PDE7B: variants seen among roughly 807,000 people sequenced by gnomAD.
PDE7B encodes the protein phosphodiesterase 7B.
PDE7B carries 29 observed loss-of-function variants against 56.2 expected under a neutral mutation model. That is an observed-to-expected ratio of 0.52 (90% CI 0.38 to 0.70). The LOEUF is 0.70. Among genes scored for constraint, PDE7B ranks in the 30% least tolerant of loss-of-function variants. PDE7B has a pLI of 0.00. For missense variants in PDE7B, 490 were observed against 565.0 expected (o/e 0.87, Z 1.35); for synonymous variants, 197 against 196.9 (o/e 1.00, Z 0.00).
rs149460147 is a variant in PDE7B, at chr6:135,975,789, C to T, written c.82+28265C>T. Among the ~76,000 whole-genome samples, 571 of 126,450 alleles carry T rather than the reference C, an allele frequency of 4.5e-3. 2 individuals are homozygous for T. Among genetic ancestry groups the T allele is most frequent in the African/African-American group, 0.018 (547 of 31,116 alleles). 83.0% of individuals were successfully genotyped at this position (126,450 alleles called of 152,430 possible). ...AAAAATAGAAGTGATATACTCACTC[C>T]CCCAATGGGGATACCTTAGGTGCCA... On this transcript the variant is annotated intron_variant, in intron 2 of 12. Transcript: ENST00000308191.
intron 2 of PDE7B, among the ~76,000 whole-genome samples, chr6:136,048,350 T>C (rs781487684): frequency 1.5e-4 from 23 of 151,918 alleles, no homozygotes; most frequent in Non-Finnish European, 3.1e-4. Context: ...ATGGTGAAAC[T>C]CTGTCTCTAC....
intron 2 of PDE7B, among the ~76,000 whole-genome samples, chr6:136,094,461 C>G (rs1777441410): frequency 6.6e-6 from 1 of 152,132 alleles, no homozygotes; most frequent in South Asian, 2.1e-4. Flanking sequence ...CTGAAATGCT[C>G]CTCCCAGATA....
chr6:136,069,151 T>C (rs556834642), intron 2 of PDE7B, among the ~76,000 whole-genome samples: 38 of 152,252 alleles, frequency 2.5e-4, no homozygotes, highest in African/African-American at 8.4e-4. Flanking sequence ...ATTCAGTTGG[T>C]TGGGGGGCTT....
chr6:136,096,772 C>T (rs1583878724), intron 2 of PDE7B, among the ~76,000 whole-genome samples: 1 of 152,068 alleles, frequency 6.6e-6, no homozygotes, highest in Non-Finnish European at 1.5e-5. Flanking sequence ...TGAAATTTTA[C>T]TTATCATTCA....
chr6:136,080,317 C>A (rs1223147106), intron 2 of PDE7B, among the ~76,000 whole-genome samples: 3 of 152,172 alleles, frequency 2.0e-5, no homozygotes, highest in Non-Finnish European at 4.4e-5. Context: ...AGCTTTAAAT[C>A]CCTGGAGGCT....
chr6:135,922,516 T>C (rs1774103298), intron 1 of PDE7B, among the ~76,000 whole-genome samples: 1 of 152,204 alleles, frequency 6.6e-6, no homozygotes, highest in South Asian at 2.1e-4. Context: ...TGCCCCACTA[T>C]ACAGATGATC....
chr6:135,860,082 C>T (rs866520053), intron 1 of PDE7B, among the ~76,000 whole-genome samples: 3 of 151,950 alleles, frequency 2.0e-5, no homozygotes, highest in African/African-American at 7.2e-5. Context: ...CCTTTAGGTT[C>T]CAAAATTTCT....
At chr6:136,026,445 T>C (rs1776151752) in intron 2 of PDE7B, among the ~76,000 whole-genome samples, 1 of 152,212 alleles carries the variant, frequency 6.6e-6, no homozygotes, top group Admixed American at 6.5e-5. Context: ...AATCCTGCCA[T>C]GAAGAACAGC....
intron 1 of PDE7B, among the ~76,000 whole-genome samples, chr6:135,920,915 T>A (rs957662240): frequency 1.4e-4 from 22 of 152,178 alleles, no homozygotes; most frequent in African/African-American, 4.6e-4. Flanking sequence ...CAACCGAACT[T>A]TATGTTCTGA....
Position 135,927,945 on chromosome 6 carries a change from AC to A in PDE7B, c.22-19517del, listed in dbSNP as rs558842363. Among the ~76,000 whole-genome samples, 487 of 152,242 alleles carry A rather than the reference AC, an allele frequency of 3.2e-3. 2 individuals carry two copies. The highest frequency in any genetic ancestry group is 4.5e-3 in the Non-Finnish European group (304 of 67,994). ...AAGGAACTTAAACAACAAACAAGAA[AC>A]CAATAATCCCATTAAAAATTGGGCA... On this transcript the variant is annotated intron_variant, in intron 1 of 12. Transcript: ENST00000308191.
chr6:136,116,010 G>C (rs1273116831), intron 3 of PDE7B, among the ~76,000 whole-genome samples: 1 of 152,198 alleles, frequency 6.6e-6, no homozygotes, highest in East Asian at 1.9e-4. Flanking sequence ...CCCTCAAAGA[G>C]CAAACAATCT....
At chr6:135,939,775 A>G (rs927810239) in intron 1 of PDE7B, among the ~76,000 whole-genome samples, 17 of 152,048 alleles carry the variant, frequency 1.1e-4, no homozygotes, top group South Asian at 2.1e-4. Context: ...GGCTGGGGGG[A>G]TTCTTTTGGT....
chr6:135,950,132 A>G (rs374216170), intron 2 of PDE7B, among the ~76,000 whole-genome samples: 13 of 152,252 alleles, frequency 8.5e-5, no homozygotes, highest in African/African-American at 2.9e-4. Flanking sequence ...CCTAGATGAT[A>G]AAAGAAAGAA....
intron 3 of PDE7B, among the ~76,000 whole-genome samples, chr6:136,139,654 T>C (rs1014237467): frequency 3.3e-5 from 5 of 152,222 alleles, no homozygotes; most frequent in South Asian, 4.1e-4. Context: ...TTTTTAACTA[T>C]CGCCATTCTA....
At chr6:135,939,523 A>G (rs1774474662) in intron 1 of PDE7B, among the ~76,000 whole-genome samples, 1 of 152,220 alleles carries the variant, frequency 6.6e-6, no homozygotes, top group African/African-American at 2.4e-5. Context: ...AATCAGCCCC[A>G]GTTCCAAATC....
At chr6:136,174,349 CTT>C (rs1778943738) in intron 9 of PDE7B, among the ~76,000 whole-genome samples, 1 of 152,112 alleles carries the variant, frequency 6.6e-6, no homozygotes, top group African/African-American at 2.4e-5. Context: ...TCTAAAATGT[CTT>C]TTGCTAAGTA....
intron 2 of PDE7B, chr6:136,098,057 C>T (rs560553998): frequency 6.7e-6 from 1 of 149,850 alleles, no homozygotes; most frequent in Admixed American, 6.8e-5. Flanking sequence ...CTTAAGGGAA[C>T]CTCACAGCAA....
chr6:136,112,548 A>T (rs1777766475), intron 3 of PDE7B: 1 of 152,140 alleles, frequency 6.6e-6, no homozygotes. Flanking sequence ...TTTTTTAAAC[A>T]GATTTAAGAG....
At chr6:136,127,519 A>G (rs1356928168) in intron 3 of PDE7B, among the ~76,000 whole-genome samples, 1 of 152,216 alleles carries the variant, frequency 6.6e-6, no homozygotes, top group East Asian at 1.9e-4. Context: ...TTCTACTATT[A>G]TTACAGAAGT....
Sources: gnomAD v4.1 joint callset for allele counts (sites outside exome capture counted in the v4.1 genomes callset) on GRCh38, gnomAD v4.1.1 for gene constraint, MANE v1.5 for transcripts, NCBI Gene and HGNC (gene_info 2026-07-23, HGNC 2026-07-21) for gene names.